The following USP35 variants were observed in gnomAD, a reference collection of about 807,000 sequenced individuals.
USP35 encodes ubiquitin specific peptidase 35, also known as ubiquitin carboxyl-terminal hydrolase 35.
A neutral mutation model predicts 83.8 loss-of-function variants in USP35; 69 were observed. That is an observed-to-expected ratio of 0.82 (90% CI 0.68 to 1.01). USP35 has a LOEUF of 1.01. USP35 is among the 50% of genes least tolerant of loss of function. USP35 has a pLI of 0.00. For missense variants in USP35, 1,503 were observed against 1,362.5 expected, an observed-to-expected ratio of 1.10 and a Z score of -1.62; for synonymous variants, 714 against 589.5, an observed-to-expected ratio of 1.21 and a Z score of -3.06.
chr11:78,224,854 C>G, the USP35 span, among the ~76,000 whole-genome samples: 1 of 152,090 alleles, frequency 6.6e-6, no homozygotes, highest in Non-Finnish European at 1.5e-5. Flanking sequence ...CATTCTAGAT[C>G]CTCTGCTTAC....
chr11:78,225,191 C>A, the USP35 span: 1 of 1,610,046 alleles, frequency 6.2e-7, no homozygotes, highest in Non-Finnish European at 8.5e-7. Context: ...TCGTAGGTCT[C>A]ACAGGAAGAA....
At chr11:78,216,105 G>A (rs930697541), downstream of USP35, 3 of 152,662 alleles carry the variant, frequency 2.0e-5, no homozygotes, top group Admixed American at 6.5e-5. Context: ...TCAAGCAGCT[G>A]AGCACCAGCT....
rs373491731 is a variant in USP35, at chr11:78,205,904, G to A, written c.1260G>A (p.Ser420=). The A allele has an allele frequency of 1.2e-6, 2 of 1,614,248 alleles. No homozygotes were observed. The highest frequency in any genetic ancestry group is 1.1e-5 in the South Asian group (1 of 91,088). ...TGCTGGGGCAGGATGCCTGGACTTC[G>A]CAGAAGAGCGAGCTGGCGGGTTTCT... ...KQLLGQDAWT[S]QKSELAGFYP... is the part of the protein sequence containing the mutation. Residue 420 remains serine (S), a synonymous_variant, in exon 7 of 11, where the codon TCG becomes TCA. Transcript: ENST00000529308.
intron 6 of USP35, among the ~76,000 whole-genome samples, chr11:78,203,730 C>T (rs955710059): frequency 3.1e-4 from 47 of 151,158 alleles, no homozygotes; most frequent in Admixed American, 2.8e-3. Context: ...AGGCGCCTGC[C>T]ACCACGCCTG....
intron 1 of USP35, among the ~76,000 whole-genome samples, chr11:78,195,780 G>A (rs1863123602): frequency 6.6e-6 from 1 of 152,182 alleles, no homozygotes; most frequent in African/African-American, 2.4e-5. Context: ...GCTCAGGCTG[G>A]AGTGCAGTGG....
At chr11:78,228,555 C>T in the USP35 span, among the ~76,000 whole-genome samples, 1 of 152,194 alleles carries the variant, frequency 6.6e-6, no homozygotes, top group South Asian at 2.1e-4. Flanking sequence ...TTGTTATTTA[C>T]AGATGTGGCC....
In USP35 at chr11:78,199,644, A is replaced by T; in HGVS notation, c.856A>T (p.Ile286Phe). 6.2e-7 allele frequency: 1 copy of T among 1,614,114 alleles called. No individual in the cohort carries two copies. Among genetic ancestry groups the T allele is most frequent in the Non-Finnish European group, 8.5e-7 (1 of 1,179,992 alleles). Residue 286 changes from isoleucine to phenylalanine, a missense_variant, in exon 4 of 11, where the codon ATC (isoleucine) becomes TTC (phenylalanine). Transcript: ENST00000529308. Reference protein sequence around the residue: ...WPLGKNIDKWIIALLKGLAAV... With the variant: ...WPLGKNIDKWFIALLKGLAAV... ...CCTGGGGAAGAATATTGACAAGTGG[A>T]TCATTGCACTGCTGAAGGGCCTGGC...
In USP35 at chr11:78,213,957, T is replaced by G. The variant is rs1863932233; in HGVS notation, c.*144T>G. The G allele has an allele frequency of 3.4e-6, 3 of 883,958 alleles. No individual in the cohort carries two copies. Among genetic ancestry groups the G allele is most frequent in the African/African-American group, 1.8e-5 (1 of 56,156 alleles). The allele number at this position is 883,958 out of a possible 1,614,324, so 54.8% of individuals were successfully genotyped here. Reference sequence around the variant, plus strand: ...CAGCCTGATGAAGGGTACACAGAGATTCTCTCAGATATGGAAGTAAGACCT... The same window carrying G: ...CAGCCTGATGAAGGGTACACAGAGAGTCTCTCAGATATGGAAGTAAGACCT... On this transcript the variant is annotated 3_prime_UTR_variant, in exon 11 of 11. Transcript: ENST00000529308.
chr11:78,192,151 G>T (rs1863024572), intron 1 of USP35, among the ~76,000 whole-genome samples: 1 of 152,176 alleles, frequency 6.6e-6, no homozygotes, highest in African/African-American at 2.4e-5. Context: ...GCCAGGCAGG[G>T]GCTCACCCAA....
chr11:78,190,107 T>TTC (rs1862956191), intron 1 of USP35, among the ~76,000 whole-genome samples: 1 of 152,004 alleles, frequency 6.6e-6, no homozygotes, highest in African/African-American at 2.4e-5. Flanking sequence ...AGCTCTTAGG[T>TTC]GCTGAGCAGA....
chr11:78,206,129 G>A lies in USP35; in HGVS notation c.1391+94G>A. 6.9e-6 allele frequency: 10 copies of A among 1,443,452 alleles called. No homozygotes were observed. The South Asian group carries it at 1.3e-4, about 19-fold the overall frequency. 89.4% of individuals were successfully genotyped at this position (1,443,452 alleles called of 1,614,324 possible). A position where few individuals can be genotyped will look rare whatever the true frequency, so the allele number is the denominator to read the frequency against. On this transcript the variant is annotated intron_variant, in intron 7 of 10. Transcript: ENST00000529308. ...AAAGGTGTCCGGGGTGGGGGTTGGA[G>A]AGGGTGGGCCTTGCTTTGCATTGCC...
chr11:78,229,025 C>T, the USP35 span, among the ~76,000 whole-genome samples: 1 of 152,116 alleles, frequency 6.6e-6, no homozygotes, highest in Non-Finnish European at 1.5e-5. Context: ...ATGCCACCTG[C>T]CCAGTGAGGG....
chr11:78,235,585 T>C, the USP35 span, among the ~76,000 whole-genome samples: 1 of 152,218 alleles, frequency 6.6e-6, no homozygotes, highest in Admixed American at 6.5e-5. Context: ...AGAAATTTCT[T>C]CCGCCAGATA....
chr11:78,204,411 G>T (rs181325873), intron 6 of USP35, among the ~76,000 whole-genome samples: 1 of 152,156 alleles, frequency 6.6e-6, no homozygotes, highest in African/African-American at 2.4e-5. Context: ...AGGTTGTGGC[G>T]GTTTCTTTGG....
chr11:78,233,410 A>G, the USP35 span, among the ~76,000 whole-genome samples: 14 of 152,194 alleles, frequency 9.2e-5, no homozygotes, highest in Admixed American at 9.2e-4. Flanking sequence ...TGCATTTCCC[A>G]GATCACTGAT....
intron 10 of USP35, among the ~76,000 whole-genome samples, chr11:78,213,253 T>G (rs1257472745): frequency 6.6e-6 from 1 of 152,120 alleles, no homozygotes; most frequent in East Asian, 1.9e-4. Context: ...AGGATCGCCA[T>G]GAGGCTGACG....
chr11:78,209,406 G>T, intron 9 of USP35, 42 bp from the exon 10 acceptor site: 2 of 1,519,836 alleles, frequency 1.3e-6, no homozygotes, highest in South Asian at 1.3e-5. Context: ...CCCGGAAGGG[G>T]ACCCGCATGT....
chr11:78,190,037 G>A (rs1437804594), intron 1 of USP35, among the ~76,000 whole-genome samples: 2 of 152,154 alleles, frequency 1.3e-5, no homozygotes, highest in African/African-American at 4.8e-5. Context: ...CTGGCTCCCA[G>A]GGGAGTCAAA....
chr11:78,200,917 C>A, intron 6 of USP35, 109 bp downstream of exon 6: 1 of 1,434,764 alleles, frequency 7.0e-7, no homozygotes, highest in Non-Finnish European at 9.3e-7. Context: ...TCATTTGGTG[C>A]CTGGCTGTCT....
Sources: allele counts gnomAD v4.1 joint callset (sites outside exome capture counted in the v4.1 genomes callset), GRCh38; gene constraint gnomAD v4.1.1; transcripts MANE v1.5; gene names NCBI Gene and HGNC (gene_info 2026-07-23, HGNC 2026-07-21).